The following CARMIL1 variants were observed in gnomAD, a reference collection of about 807,000 sequenced individuals.
CARMIL1 encodes the protein F-actin-uncapping protein LRRC16A.
Under a neutral mutation model 177.1 loss-of-function variants are expected in CARMIL1, and 90 were observed. The ratio of observed to expected loss-of-function variants is 0.51; its 90% CI spans 0.43 to 0.61. CARMIL1 has a LOEUF of 0.61. CARMIL1 is among the 20% of genes least tolerant of loss of function. The pLI, the probability that CARMIL1 is intolerant of heterozygous loss-of-function variation, is 0.00. For missense variants in CARMIL1, 1,380 were observed against 1,667.0 expected (o/e 0.83, Z 3.00); for synonymous variants, 577 against 606.2 (o/e 0.95, Z 0.71).
intron 33 of CARMIL1, 135 bp downstream of exon 33, chr6:25,600,881 C>T: frequency 2.5e-6 from 2 of 816,232 alleles, no homozygotes; most frequent in East Asian, 2.8e-5. Flanking sequence ...TGGGAATATT[C>T]AAATTACTCT....
intron 2 of CARMIL1, among the ~76,000 whole-genome samples, chr6:25,350,095 C>T (rs867250928): frequency 2.6e-5 from 4 of 152,278 alleles, no homozygotes; most frequent in Non-Finnish European, 4.4e-5. Context: ...AAAGCCACCT[C>T]GCCTTGTCTG....
chr6:25,457,176 A>G (rs952329760), intron 8 of CARMIL1, among the ~76,000 whole-genome samples: 26 of 152,088 alleles, frequency 1.7e-4, no homozygotes, highest in African/African-American at 6.0e-4. Context: ...TGGGGATGTG[A>G]CGTTAATAGT....
intron 9 of CARMIL1, among the ~76,000 whole-genome samples, chr6:25,468,651 A>T (rs1194192164): frequency 1.3e-5 from 2 of 152,192 alleles, no homozygotes; most frequent in Non-Finnish European, 2.9e-5. Flanking sequence ...CTCCCTTTAA[A>T]AGTTTCATTT....
intron 29 of CARMIL1, 78 bp from the exon 30 acceptor site, chr6:25,580,846 C>A: frequency 1.8e-6 from 2 of 1,088,434 alleles, no homozygotes; most frequent in Non-Finnish European, 2.7e-6. Context: ...ACAGTCGATC[C>A]AGAATGTTTC....
intron 2 of CARMIL1, among the ~76,000 whole-genome samples, chr6:25,386,654 C>T (rs1792192110): frequency 6.6e-6 from 1 of 152,004 alleles, no homozygotes; most frequent in Non-Finnish European, 1.5e-5. Flanking sequence ...ATAACTGTAC[C>T]CACTTCATAG....
rs575106418 is a variant in CARMIL1 at position 25,369,759 on chromosome 6, G to A, written c.139-50355G>A. The stretch of plus-strand genomic sequence containing the variant: ...TGGAGCTTGCTTTGTGTGTTTGGGT[G>A]TTGAATTTTCCCCTTGACTTGGAAA... On this transcript the variant is annotated intron_variant, in intron 2 of 36. Transcript: ENST00000329474. Among the ~76,000 whole-genome samples the A allele has an allele frequency of 1.6e-4, 24 of 152,288 alleles. No homozygotes were observed. In the South Asian group the frequency reaches 4.8e-3, roughly 30 times the overall value.
At chr6:25,539,298 C>G (rs1287099131) in intron 25 of CARMIL1, among the ~76,000 whole-genome samples, 2 of 151,916 alleles carry the variant, frequency 1.3e-5, no homozygotes, top group Non-Finnish European at 2.9e-5. Flanking sequence ...CTCAGGCAAA[C>G]TCTGGGTAGA....
chr6:25,366,548 T>C (rs142308848), intron 2 of CARMIL1, among the ~76,000 whole-genome samples: 273 of 151,854 alleles, frequency 1.8e-3, no homozygotes, highest in Middle Eastern at 6.8e-3. Context: ...GTTTTCTCTT[T>C]CCTAGAATGT....
rs1251918986 is a variant in CARMIL1 at position 25,515,296 on chromosome 6, C to T, written c.1633-379C>T. Among the ~76,000 whole-genome samples the T allele has an allele frequency of 3.9e-5, 6 of 152,130 alleles. No homozygotes were observed. The highest frequency in any genetic ancestry group is 5.9e-5 in the Non-Finnish European group (4 of 68,032). On this transcript the variant is annotated intron_variant, in intron 20 of 36. Transcript: ENST00000329474. The surrounding 1 kb of genome is among the most constrained non-coding windows in gnomAD (Gnocchi z 5.0). Reference sequence around the variant, plus strand: ...GTCCTCTATTAGTATTTTAAGGTGTCATTTCACCTTGTATAAAAATAAAAT... The same window carrying T: ...GTCCTCTATTAGTATTTTAAGGTGTTATTTCACCTTGTATAAAAATAAAAT...
At position 25,606,046 on chromosome 6, in the gene CARMIL1, C is replaced by T; in HGVS notation, c.3635-15C>T. ...CTTTGACCTTTGATTTTTAAAGTGGCCTTTTTCATCTTAGTGCCTAAACTG... is the reference window on the plus strand; with the variant it reads ...CTTTGACCTTTGATTTTTAAAGTGGTCTTTTTCATCTTAGTGCCTAAACTG... On this transcript the variant is annotated splice_polypyrimidine_tract_variant and intron_variant, in intron 34 of 36. Transcript: ENST00000329474. 6.3e-7 allele frequency: 1 copy of T among 1,589,922 alleles called. No individual in the cohort carries two copies. Among genetic ancestry groups the T allele is most frequent in the Non-Finnish European group, 8.6e-7 (1 of 1,166,636 alleles).
chr6:25,399,200 C>G (rs1466065152), intron 2 of CARMIL1, among the ~76,000 whole-genome samples: 1 of 152,294 alleles, frequency 6.6e-6, no homozygotes, highest in Non-Finnish European at 1.5e-5. Flanking sequence ...AGGCCTTAGG[C>G]CCCTGGTTTT....
At chr6:25,459,274 T>TTCTTTCTTTCTTTTCTTTCTTTCC (rs1302680954) in intron 8 of CARMIL1, among the ~76,000 whole-genome samples, 1 of 30,980 alleles carries the variant, frequency 3.2e-5, no homozygotes, top group Non-Finnish European at 7.6e-5. Flanking sequence ...TTCTTTTTTT[T>TTCTTTCTTTCTTTTCTTTCTTTCC]TTTTTTAAGA....
chr6:25,600,511 G>A lies in CARMIL1; in HGVS notation c.3317G>A (p.Cys1106Tyr). 6.2e-7 allele frequency: 1 copy of A among 1,614,052 alleles called. No individual in the cohort carries two copies. The highest frequency in any genetic ancestry group is 8.5e-7 in the Non-Finnish European group (1 of 1,179,894). The change falls in exon 33 of 37, where the codon TGT becomes TAT. Residue 1106 changes from cysteine to tyrosine, a missense_variant. By Grantham distance (194) the Cys-to-Tyr change is radical. Transcript: ENST00000329474. ...KGAVRSPPVD[C>Y]PRKDTKAAEH... ...GCAGTCAGAAGTCCACCTGTGGACT[G>A]TCCCAGGAAGGACACAAAGGCCGCC...
intron 2 of CARMIL1, among the ~76,000 whole-genome samples, chr6:25,376,761 A>G (rs1296761895): frequency 1.3e-5 from 2 of 152,172 alleles, no homozygotes; most frequent in Admixed American, 1.3e-4. Context: ...TCAGGCCAGT[A>G]GGAGAGATGT....
intron 2 of CARMIL1, among the ~76,000 whole-genome samples, chr6:25,346,303 CAGGCCTGAGTCTACCT>C (rs376679161): frequency 0.014 from 2,065 of 152,248 alleles, 40 homozygotes; most frequent in African/African-American, 0.037. Flanking sequence ...TGAAACAGTC[CAGGCCTGAGTCTACCT>C]CAGAGCTTTT....
chr6:25,393,223 G>T (rs1272568508), intron 2 of CARMIL1, among the ~76,000 whole-genome samples: 1 of 152,112 alleles, frequency 6.6e-6, no homozygotes, highest in East Asian at 1.9e-4. Flanking sequence ...TAGGATTGTT[G>T]TAAGACTTAT....
At chr6:25,358,078 T>C (rs1788811320) in intron 2 of CARMIL1, among the ~76,000 whole-genome samples, 1 of 152,220 alleles carries the variant, frequency 6.6e-6, no homozygotes. Flanking sequence ...AAATAACTTT[T>C]CGGTAATAAA....
intron 2 of CARMIL1, among the ~76,000 whole-genome samples, chr6:25,310,277 G>A (rs1281075382): frequency 1.3e-5 from 2 of 152,162 alleles, no homozygotes. Context: ...AGAACATAAA[G>A]GAGGGACATG....
chr6:25,294,761 T>C (rs1782262342), intron 2 of CARMIL1, among the ~76,000 whole-genome samples: 1 of 152,242 alleles, frequency 6.6e-6, no homozygotes, highest in Non-Finnish European at 1.5e-5. Flanking sequence ...TTTTCAGACT[T>C]ATCACTATTC....
Sources: allele counts gnomAD v4.1 joint callset (sites outside exome capture counted in the v4.1 genomes callset), GRCh38; gene constraint gnomAD v4.1.1; non-coding constraint Gnocchi (gnomAD v3.1); transcripts MANE v1.5; gene names NCBI Gene and HGNC (gene_info 2026-07-23, HGNC 2026-07-21).